XIRP2: variants seen among roughly 807,000 people sequenced by gnomAD.
XIRP2 encodes xin actin binding repeat containing 2.
A neutral mutation model predicts 277.0 loss-of-function variants in XIRP2; 236 were observed. The ratio of observed to expected loss-of-function variants is 0.85; its 90% confidence interval spans 0.77 to 0.95. XIRP2 has a LOEUF of 0.95. XIRP2 is among the 40% of genes least tolerant of loss of function. XIRP2 has a pLI of 0.00. For synonymous variants in XIRP2, 1,490 were observed against 1,416.5 expected, an observed-to-expected ratio of 1.05 and a Z score of -1.17; for missense variants, 4,640 against 4,157.5, an observed-to-expected ratio of 1.12 and a Z score of -3.19.
rs576183192 is a variant in XIRP2 at position 167,118,217 on chromosome 2, C to T, written c.409-17692C>T. Among the ~76,000 whole-genome samples the T allele has an allele frequency of 1.9e-4, 29 of 152,202 alleles. No homozygotes were observed. The South Asian group carries it at 4.6e-3, about 24-fold the overall frequency. ...TTGATGGTCTGGGTGCAGTGGCTCA[C>T]GCCTGTAATCCCTGCACTTTGCGAG... is the stretch of plus-strand genomic sequence containing the variant. On this transcript the variant is annotated intron_variant, in intron 2 of 10. Transcript: ENST00000409195.
intron 2 of XIRP2, among the ~76,000 whole-genome samples, chr2:167,083,363 G>C (rs942457023): frequency 1.6e-4 from 24 of 152,354 alleles, no homozygotes; most frequent in Admixed American, 2.0e-4. Context: ...AGTATAGATT[G>C]AAGTCAGGTA....
intron 2 of XIRP2, among the ~76,000 whole-genome samples, chr2:167,085,515 G>C (rs371397821): frequency 6.6e-6 from 1 of 151,840 alleles, no homozygotes. Context: ...TTTCTGTCTC[G>C]TTGATCTGTC....
At position 167,245,607 on chromosome 2, in the gene XIRP2, T is replaced by C. The variant is rs754207053; in HGVS notation, c.4215T>C (p.Asn1405=). 4 of 1,613,638 alleles carry C rather than the reference T, an allele frequency of 2.5e-6. No homozygotes were observed. The South Asian group carries it at 4.4e-5, about 18-fold the overall frequency. Residue 1405 remains asparagine, a synonymous_variant, in exon 9 of 11, where the codon AAT becomes AAC. Transcript: ENST00000409195. The stretch of plus-strand genomic sequence containing the variant: ...ATCAGATTTCTGAAGAATCACATAA[T>C]ATTATGCCCAGTATTGACCATATAC... ...PLDQISEESH[N]IMPSIDHIQG...
In XIRP2 at chr2:167,243,440, A is replaced by T; in HGVS notation, c.2048A>T (p.Asp683Val). ...GAATCAGCGGTAACTATCAGTAAGGACATAACTGGGGGGGATGTCAAGACT... is the reference window on the plus strand; with the variant it reads ...GAATCAGCGGTAACTATCAGTAAGGTCATAACTGGGGGGGATGTCAAGACT... The part of the protein sequence containing the change: ...QEESAVTISK[D>V]ITGGDVKTVR... Residue 683 changes from aspartate to valine, a missense_variant, in exon 9 of 11, where the codon GAC becomes GTC. Asp to Val is a radical substitution (Grantham distance 152). Coordinates refer to ENST00000409195, the MANE Select transcript of XIRP2 (RefSeq NM_152381.6). The T allele has an allele frequency of 6.2e-7, 1 of 1,614,104 alleles. No homozygotes were observed. The highest frequency in any genetic ancestry group is 8.5e-7 in the Non-Finnish European group (1 of 1,179,972).
chr2:167,008,715 C>T (rs1163216209), intron 2 of XIRP2, among the ~76,000 whole-genome samples: 1 of 151,478 alleles, frequency 6.6e-6, no homozygotes, highest in African/African-American at 2.4e-5. Context: ...AATCACAAAC[C>T]TGAAACTAAA....
At chr2:167,189,561 A>G (rs1693264424) in intron 3 of XIRP2, among the ~76,000 whole-genome samples, 1 of 152,312 alleles carries the variant, frequency 6.6e-6, no homozygotes, top group Non-Finnish European at 1.5e-5. Context: ...TCTGAAACAA[A>G]CACTTGCTCA....
chr2:167,027,060 G>C (rs572748053), intron 2 of XIRP2, among the ~76,000 whole-genome samples: 7 of 152,194 alleles, frequency 4.6e-5, no homozygotes, highest in African/African-American at 1.7e-4. Flanking sequence ...TGCCTTTATA[G>C]ATTGGGGAAG....
At chr2:167,138,927 C>T (rs1363977260) in intron 3 of XIRP2, among the ~76,000 whole-genome samples, 2 of 151,836 alleles carry the variant, frequency 1.3e-5, no homozygotes, top group African/African-American at 4.8e-5. Flanking sequence ...ATTAGCTGGG[C>T]ATGATAGTGG....
At chr2:166,902,019 A>G (rs1684399153) in intron 1 of XIRP2, among the ~76,000 whole-genome samples, 1 of 152,110 alleles carries the variant, frequency 6.6e-6, no homozygotes. Flanking sequence ...TACACACTAG[A>G]AGTTTTATAC....
At chr2:167,133,340 C>T (rs1005281828) in intron 2 of XIRP2, among the ~76,000 whole-genome samples, 1 of 152,168 alleles carries the variant, frequency 6.6e-6, no homozygotes. Flanking sequence ...TACACAGCTG[C>T]CTCCTTACCC....
chr2:167,186,584 C>T (rs978682043), intron 3 of XIRP2, among the ~76,000 whole-genome samples: 2 of 152,042 alleles, frequency 1.3e-5, no homozygotes, highest in African/African-American at 4.8e-5. Flanking sequence ...AGCTAAATGG[C>T]AATGCTCATT....
At position 167,062,226 on chromosome 2, in the gene XIRP2, T is replaced by C. The variant is rs140004210; in HGVS notation, c.409-73683T>C. 4.0e-3 allele frequency among the ~76,000 whole-genome samples: 608 copies of C among 152,314 alleles called. 5 individuals carry two copies. Among genetic ancestry groups the C allele is most frequent in the African/African-American group, 0.014 (588 of 41,572 alleles). On this transcript the variant is annotated intron_variant, in intron 2 of 10. Coordinates refer to ENST00000409195, the MANE Select transcript of XIRP2 (RefSeq NM_152381.6). ...GAACAACGATAGCTGGATAGAATTC[T>C]GCCACGGTGGGAATACCTACACCAG...
At chr2:167,231,599 T>C (rs1694756542) in intron 5 of XIRP2, among the ~76,000 whole-genome samples, 1 of 151,870 alleles carries the variant, frequency 6.6e-6, no homozygotes, top group African/African-American at 2.4e-5. Flanking sequence ...AACCATTTTC[T>C]ATTCTACCAC....
At chr2:167,233,113 G>A (rs1392336232) in intron 5 of XIRP2, among the ~76,000 whole-genome samples, 1 of 151,916 alleles carries the variant, frequency 6.6e-6, no homozygotes, top group Non-Finnish European at 1.5e-5. Context: ...AAAGACATCT[G>A]ATGAGGGAGA....
intron 2 of XIRP2, among the ~76,000 whole-genome samples, chr2:167,075,295 G>A (rs1413955776): frequency 6.6e-6 from 1 of 152,132 alleles, no homozygotes; most frequent in African/African-American, 2.4e-5. Flanking sequence ...AGAGGAAGTG[G>A]TATTTAGAAA....
chr2:167,000,573 A>G (rs1687338208), intron 2 of XIRP2, among the ~76,000 whole-genome samples: 1 of 151,826 alleles, frequency 6.6e-6, no homozygotes, highest in Non-Finnish European at 1.5e-5. Context: ...CTTCCAAGAA[A>G]AAAAACATGT....
chr2:167,126,647 G>A (rs1691215361), intron 2 of XIRP2, among the ~76,000 whole-genome samples: 1 of 152,118 alleles, frequency 6.6e-6, no homozygotes, highest in African/African-American at 2.4e-5. Flanking sequence ...GATCTTCTGG[G>A]AAAACTGCCC....
rs1456510474 is a variant in XIRP2 at position 167,249,640 on chromosome 2, A to C, written c.8248A>C (p.Lys2750Gln). ...AACCTTTACCAAAAAACAATATCTG[A>C]AAACCAAGAAAACTGAAGCAAGCAC... ...VQTFTKKQYL[K>Q]TKKTEASTEC... Residue 2750 changes from lysine (K) to glutamine (Q), a missense_variant, in exon 9 of 11, where the codon AAA becomes CAA. Lys to Gln is a moderately conservative substitution (Grantham distance 53). Transcript: ENST00000409195. The C allele has an allele frequency of 6.2e-7, 1 of 1,613,630 alleles. No homozygotes were observed. The highest frequency in any genetic ancestry group is 1.3e-5 in the African/African-American group (1 of 75,000).
At chr2:167,196,463 G>A (rs920428431) in intron 3 of XIRP2, among the ~76,000 whole-genome samples, 4 of 147,816 alleles carry the variant, frequency 2.7e-5, no homozygotes, top group African/African-American at 1.0e-4. Flanking sequence ...GACTGGCCAC[G>A]ATAGATGAGT....
Sources: gnomAD v4.1 joint callset for allele counts (sites outside exome capture counted in the v4.1 genomes callset) on GRCh38, gnomAD v4.1.1 for gene constraint, MANE v1.5 for transcripts, NCBI Gene and HGNC (gene_info 2026-07-23, HGNC 2026-07-21) for gene names.